The following RGS7 variants were observed in gnomAD, a reference collection of about 807,000 sequenced individuals.
RGS7 encodes regulator of G-protein signaling 7.
A neutral mutation model predicts 81.1 loss-of-function variants in RGS7; 27 were observed. The ratio of observed to expected loss-of-function variants is 0.33; its 90% CI spans 0.25 to 0.46. RGS7 has a LOEUF of 0.46. RGS7 is among the 20% of genes least tolerant of loss of function. RGS7 has a pLI of 1.00. For synonymous variants in RGS7, 208 were observed against 207.7 expected (o/e 1.00, Z -0.01); for missense variants, 396 against 607.4 (o/e 0.65, Z 3.66).
intron 3 of RGS7, among the ~76,000 whole-genome samples, chr1:241,062,449 G>GA (rs1364962789): frequency 6.6e-6 from 1 of 152,142 alleles, no homozygotes; most frequent in Admixed American, 6.5e-5. Context: ...GATTACCGGT[G>GA]AAAATTTGAT....
At chr1:241,107,091 G>A (rs928446337) in intron 2 of RGS7, among the ~76,000 whole-genome samples, 1 of 152,136 alleles carries the variant, frequency 6.6e-6, no homozygotes, top group Non-Finnish European at 1.5e-5. Flanking sequence ...TCTGGAACTC[G>A]AAGACGGGCA....
chr1:241,192,207 T>TGTGTGTGTGTGTGTGTG (rs2072725912), intron 2 of RGS7, among the ~76,000 whole-genome samples: 1 of 144,390 alleles, frequency 6.9e-6, no homozygotes, highest in Non-Finnish European at 1.5e-5. Context: ...TGTGTGTGTG[T>TGTGTGTGTGTGTGTGTG]TTTGCTTTGA....
At chr1:241,156,151 T>C (rs2069122411) in intron 2 of RGS7, among the ~76,000 whole-genome samples, 1 of 150,378 alleles carries the variant, frequency 6.6e-6, no homozygotes. Context: ...GATAGATAGA[T>C]AGATAGATAG....
chr1:240,993,287 G>GA (rs759848612), intron 3 of RGS7, among the ~76,000 whole-genome samples: 5 of 152,054 alleles, frequency 3.3e-5, no homozygotes, highest in Non-Finnish European at 7.4e-5. Flanking sequence ...AAGAGAGAGA[G>GA]AGAGAAAGAA....
At chr1:241,193,377 A>G (rs1365914565) in intron 2 of RGS7, among the ~76,000 whole-genome samples, 2 of 152,172 alleles carry the variant, frequency 1.3e-5, no homozygotes, top group Non-Finnish European at 2.9e-5. Context: ...GTGTTACCAC[A>G]TGGAGTTGGT....
intron 3 of RGS7, chr1:240,998,537 G>A (rs1687644812): frequency 1.1e-6 from 1 of 912,652 alleles, no homozygotes; most frequent in Non-Finnish European, 1.8e-6. Flanking sequence ...TGGAGCAGCA[G>A]CAGCAGAGGC....
At chr1:241,150,144 T>C (rs2068642681) in intron 2 of RGS7, among the ~76,000 whole-genome samples, 1 of 152,128 alleles carries the variant, frequency 6.6e-6, no homozygotes, top group South Asian at 2.1e-4. Flanking sequence ...GCAACGTATT[T>C]GAGCAAAAAA....
chr1:240,858,002 C>G (rs1661465872), intron 9 of RGS7, among the ~76,000 whole-genome samples: 1 of 152,184 alleles, frequency 6.6e-6, no homozygotes, highest in African/African-American at 2.4e-5. Flanking sequence ...TTGTAAGTTT[C>G]CTGAGACCTC....
At chr1:240,933,167 C>T (rs990055218) in intron 5 of RGS7, among the ~76,000 whole-genome samples, 3 of 151,744 alleles carry the variant, frequency 2.0e-5, no homozygotes, top group Non-Finnish European at 2.9e-5. Flanking sequence ...CAGGTGTGAG[C>T]CACCGCGCCC....
chr1:240,935,615 T>C (rs537493782), intron 5 of RGS7, among the ~76,000 whole-genome samples: 1 of 152,320 alleles, frequency 6.6e-6, no homozygotes, highest in African/African-American at 2.4e-5. Context: ...AGTGAGACTG[T>C]TCTATGAGGA....
At chr1:241,254,299 G>A (rs2076966721) in intron 2 of RGS7, among the ~76,000 whole-genome samples, 1 of 152,100 alleles carries the variant, frequency 6.6e-6, no homozygotes, top group Admixed American at 6.5e-5. Context: ...GCAAGGTCAT[G>A]TTTGTGAACA....
In RGS7 at chr1:240,870,900, C is replaced by T. The variant is rs1292947708; in HGVS notation, c.386-781G>A. ...GCTTCATTTCACAAGAGCCAATCTT[C>T]CATCGTTTTGTCACTAGGAGAAGGG... is the stretch of plus-strand genomic sequence containing the variant. On this transcript the variant is annotated intron_variant, in intron 6 of 18. Coordinates refer to ENST00000440928, the MANE Select transcript of RGS7 (RefSeq NM_001364886.1). Among the ~76,000 whole-genome samples, 5 of 152,316 alleles carry T rather than the reference C, an allele frequency of 3.3e-5. No homozygotes were observed. In the South Asian group the frequency reaches 1.0e-3, roughly 32 times the overall value.
At chr1:241,327,146 G>GAAAGAAAA (rs1553320677) in intron 2 of RGS7, among the ~76,000 whole-genome samples, 1 of 92,176 alleles carries the variant, frequency 1.1e-5, no homozygotes, top group African/African-American at 3.6e-5. Context: ...AAGAAAGAAA[G>GAAAGAAAA]GAAAGAAAGA....
chr1:240,904,285 T>G (rs550533420), intron 6 of RGS7, among the ~76,000 whole-genome samples: 1 of 152,256 alleles, frequency 6.6e-6, no homozygotes, highest in South Asian at 2.1e-4. Flanking sequence ...CCAGAAAAGA[T>G]CAGGACGGGA....
chr1:241,284,089 T>TA (rs1455288082), intron 2 of RGS7, among the ~76,000 whole-genome samples: 1 of 152,222 alleles, frequency 6.6e-6, no homozygotes, highest in Non-Finnish European at 1.5e-5. Flanking sequence ...ATGGCTCCTT[T>TA]AAAATCTTTG....
At chr1:240,897,363 T>C (rs1311073274) in intron 6 of RGS7, among the ~76,000 whole-genome samples, 1 of 152,198 alleles carries the variant, frequency 6.6e-6, no homozygotes. Context: ...TTGTGCCAGT[T>C]TTCAAAGGGA....
At chr1:241,146,506 C>T (rs1209980573) in intron 2 of RGS7, among the ~76,000 whole-genome samples, 3 of 152,162 alleles carry the variant, frequency 2.0e-5, no homozygotes, top group Non-Finnish European at 4.4e-5. Context: ...GATTGTTCCC[C>T]TATCCTTGCT....
chr1:240,814,692 A>G (rs760992050), intron 12 of RGS7, 24 bp downstream of exon 12: 2 of 1,462,936 alleles, frequency 1.4e-6, no homozygotes, highest in Non-Finnish European at 1.9e-6. Context: ...TTTAAAATTT[A>G]TACAGACACT....
At chr1:241,251,013 AT>A (rs1169412001) in intron 2 of RGS7, among the ~76,000 whole-genome samples, 1 of 152,246 alleles carries the variant, frequency 6.6e-6, no homozygotes, top group Non-Finnish European at 1.5e-5. Flanking sequence ...GGAAACTGAT[AT>A]CTGTTGATCC....
Sources: allele counts gnomAD v4.1 joint callset (sites outside exome capture counted in the v4.1 genomes callset), GRCh38; gene constraint gnomAD v4.1.1; transcripts MANE v1.5; gene names NCBI Gene and HGNC (gene_info 2026-07-23, HGNC 2026-07-21).